TENM3: variants seen among roughly 807,000 people sequenced by gnomAD.
TENM3 encodes the protein teneurin transmembrane protein 3.
TENM3 carries 63 observed loss-of-function variants against 255.1 expected under a neutral mutation model. That is an observed-to-expected ratio of 0.25 (90% confidence interval 0.20 to 0.30). TENM3 has a LOEUF of 0.30. Ranked by LOEUF, TENM3 falls within the 10% of genes least tolerant of loss-of-function variation. The probability of loss-of-function intolerance (pLI) is 1.00; values close to 1 mark genes in which losing one functional copy is unlikely to be tolerated. For synonymous variants in TENM3, 1,306 were observed against 1,322.3 expected (o/e 0.99, Z 0.27); for missense variants, 2,929 against 3,461.1 (o/e 0.85, Z 3.86).
intron 1 of TENM3, among the ~76,000 whole-genome samples, chr4:182,194,351 C>A (rs1008170236): frequency 1.3e-5 from 2 of 152,168 alleles, no homozygotes; most frequent in Non-Finnish European, 2.9e-5. Flanking sequence ...TACTGATGCA[C>A]GCGTGTTGCC....
Position 182,169,381 on chromosome 4 carries a change from A to G in TENM3, c.-76+24627A>G, listed in dbSNP as rs1357344455. 1.3e-4 allele frequency: 57 copies of G among 453,122 alleles called. No homozygotes were observed. In the Admixed American group the frequency reaches 1.5e-3, roughly 12 times the overall value. 28.1% of individuals were successfully genotyped at this position (453,122 alleles called of 1,614,324 possible). ...TGGGAGAGACAGCAGGATTCTCCCA[A>G]AAATTCAAGTAAAAATCTGCACGAG... On this transcript the variant is annotated intron_variant, in intron 1 of 2. Transcript: ENST00000512480.
At chr4:181,839,809 A>G in the TENM3 span, among the ~76,000 whole-genome samples, 14 of 151,896 alleles carry the variant, frequency 9.2e-5, no homozygotes, top group African/African-American at 3.4e-4. Context: ...GACTACATTC[A>G]TGATCTTCTC....
At position 182,161,403 on chromosome 4, in the gene TENM3, G is replaced by C. The variant is rs563968431; in HGVS notation, c.-76+16649G>C. Among the ~76,000 whole-genome samples the C allele has an allele frequency of 1.7e-3, 144 of 84,850 alleles. 6 individuals are homozygous for C. The highest frequency in any genetic ancestry group is 5.8e-3 in the African/African-American group (125 of 21,370). The allele number at this position is 84,850 out of a possible 152,430, so 55.7% of individuals were successfully genotyped here. ...TGCACTCCAGCCTGGGCGACAGAGC[G>C]AGACTCCGTCTCAAAAAAAAAAAAA... On this transcript the variant is annotated intron_variant, in intron 1 of 2. Transcript: ENST00000512480.
At chr4:182,194,442 G>A (rs1000534163) in intron 1 of TENM3, among the ~76,000 whole-genome samples, 8 of 152,060 alleles carry the variant, frequency 5.3e-5, no homozygotes, top group African/African-American at 1.9e-4. Context: ...TATCTTTTGA[G>A]AAAGAGAAAA....
intron 3 of TENM3, among the ~76,000 whole-genome samples, chr4:182,370,096 C>T (rs1766703836): frequency 6.6e-6 from 1 of 152,090 alleles, no homozygotes; most frequent in Non-Finnish European, 1.5e-5. Flanking sequence ...ATTAAGACTA[C>T]AAAGCTAATT....
At chr4:181,723,562 G>A in the TENM3 span, among the ~76,000 whole-genome samples, 1 of 152,018 alleles carries the variant, frequency 6.6e-6, no homozygotes, top group African/African-American at 2.4e-5. Flanking sequence ...TTTTCCTTCA[G>A]GATATTGAAA....
chr4:182,574,864 T>C (rs564371892), intron 3 of TENM3, among the ~76,000 whole-genome samples: 2 of 152,308 alleles, frequency 1.3e-5, no homozygotes, highest in Non-Finnish European at 2.9e-5. Context: ...CCCAGACATA[T>C]AGCCATATGT....
At chr4:181,866,627 G>A in the TENM3 span, among the ~76,000 whole-genome samples, 1 of 152,152 alleles carries the variant, frequency 6.6e-6, no homozygotes, top group Non-Finnish European at 1.5e-5. Context: ...GGTGTGTGTA[G>A]AATAACCGAA....
chr4:181,631,107 C>T, the TENM3 span, among the ~76,000 whole-genome samples: 1 of 152,026 alleles, frequency 6.6e-6, no homozygotes, highest in African/African-American at 2.4e-5. Flanking sequence ...TTGCAAGCTC[C>T]CCCAGATTGT....
At chr4:181,831,361 T>C in the TENM3 span, among the ~76,000 whole-genome samples, 1 of 152,154 alleles carries the variant, frequency 6.6e-6, no homozygotes, top group Non-Finnish European at 1.5e-5. Context: ...TTGAGAGTCA[T>C]GGAGTTCTTA....
the TENM3 span, among the ~76,000 whole-genome samples, chr4:181,681,665 C>T: frequency 2.3e-4 from 35 of 152,054 alleles, no homozygotes; most frequent in Non-Finnish European, 3.8e-4. Context: ...AATACCGACT[C>T]ACGATGATAC....
intron 1 of TENM3, among the ~76,000 whole-genome samples, chr4:182,166,695 G>C (rs751170818): frequency 6.6e-6 from 1 of 151,946 alleles, no homozygotes; most frequent in Non-Finnish European, 1.5e-5. Context: ...GCAGTGGTGC[G>C]ATCTGAGCTC....
intron 1 of TENM3, among the ~76,000 whole-genome samples, chr4:182,170,106 G>A (rs975797113): frequency 3.3e-5 from 5 of 150,908 alleles, no homozygotes; most frequent in African/African-American, 1.2e-4. Flanking sequence ...AAACAAATTG[G>A]CACTTTCATG....
intron 1 of TENM3, among the ~76,000 whole-genome samples, chr4:182,172,045 T>C (rs1287499728): frequency 6.6e-6 from 1 of 152,158 alleles, no homozygotes; most frequent in Admixed American, 6.6e-5. Context: ...ATTCATGAGC[T>C]GACATAATTA....
the TENM3 span, among the ~76,000 whole-genome samples, chr4:182,033,158 T>C: frequency 6.6e-6 from 1 of 152,134 alleles, no homozygotes; most frequent in East Asian, 1.9e-4. Flanking sequence ...GAGATCTTTC[T>C]AGCTTTTTGA....
At chr4:182,056,875 A>C in the TENM3 span, among the ~76,000 whole-genome samples, 5 of 152,002 alleles carry the variant, frequency 3.3e-5, no homozygotes, top group Non-Finnish European at 7.4e-5. Context: ...TTCTTACAAA[A>C]GTTTGGAGTT....
the TENM3 span, among the ~76,000 whole-genome samples, chr4:181,714,259 G>C: frequency 4.7e-4 from 71 of 152,140 alleles, no homozygotes; most frequent in African/African-American, 1.6e-3. Flanking sequence ...AACAGGGTAG[G>C]ACCTCATATG....
chr4:182,584,785 G>A (rs557006416), intron 3 of TENM3, among the ~76,000 whole-genome samples: 30 of 151,866 alleles, frequency 2.0e-4, no homozygotes, highest in Non-Finnish European at 3.5e-4. Context: ...GATTACAGGC[G>A]CCTGCCACCA....
At chr4:182,573,479 A>T (rs1027495881) in intron 3 of TENM3, among the ~76,000 whole-genome samples, 1 of 152,202 alleles carries the variant, frequency 6.6e-6, no homozygotes, top group African/African-American at 2.4e-5. Flanking sequence ...TCACACTATT[A>T]TAGTGATGAA....
Sources: gnomAD v4.1 joint callset for allele counts (sites outside exome capture counted in the v4.1 genomes callset) on GRCh38, gnomAD v4.1.1 for gene constraint, MANE v1.5 for transcripts, NCBI Gene and HGNC (gene_info 2026-07-23, HGNC 2026-07-21) for gene names.